Variants in ANAPC2 observed in about 807,000 individuals in gnomAD.
ANAPC2 encodes the protein anaphase-promoting complex subunit 2.
Under a neutral mutation model 84.3 loss-of-function variants are expected in ANAPC2, and 29 were observed. That is an observed-to-expected ratio of 0.34 (90% CI 0.26 to 0.47). The LOEUF (loss-of-function observed/expected upper bound fraction) is 0.47. ANAPC2 is among the 20% of genes least tolerant of loss of function. The pLI is 1.00. For missense variants in ANAPC2, 857 were observed against 1,131.7 expected, an observed-to-expected ratio of 0.76 and a Z score of 3.48; for synonymous variants, 571 against 479.4, an observed-to-expected ratio of 1.19 and a Z score of -2.50.
chr9:137,175,461 G>T lies in ANAPC2; in HGVS notation c.2032C>A (p.Leu678Met). The T allele has an allele frequency of 6.4e-7, 1 of 1,573,712 alleles. No individual in the cohort carries two copies. Among genetic ancestry groups the T allele is most frequent in the Non-Finnish European group, 8.6e-7 (1 of 1,160,950 alleles). Residue 678 changes from leucine (L) to methionine (M), a missense_variant, in exon 12 of 13, where the codon CTG becomes ATG. Around this residue, in one of 3 missense-constraint regions of ANAPC2, gnomAD observed 425 missense variants for 595.5 expected, o/e 0.71. Coordinates refer to ENST00000323927, the MANE Select transcript of ANAPC2 (RefSeq NM_013366.4). ...TTCACCGCCTTGCTCAGTTCCTCCA[G>T]GGTCCAGCTGGCTGCGTGCAGAGTC... The part of the protein sequence containing the change: ...LYFQDQASWT[L>M]EELSKAVKMP...
At chr9:137,187,069 C>T (rs2131342392) in intron 2 of ANAPC2, 3 of 199,416 alleles carry the variant, frequency 1.5e-5, no homozygotes, top group Middle Eastern at 2.2e-3. Context: ...TGCTTGCCCT[C>T]ACAGTGACCT....
rs778713960 is a variant in ANAPC2 at position 137,188,404 on chromosome 9, C to T, written c.117+12G>A. 2 of 1,603,748 alleles carry T rather than the reference C, an allele frequency of 1.2e-6. No homozygotes were observed. The highest frequency in any genetic ancestry group is 4.5e-5 in the East Asian group (2 of 44,736). On this transcript the variant is annotated intron_variant, in intron 1 of 12. Coordinates refer to ENST00000323927, the MANE Select transcript of ANAPC2 (RefSeq NM_013366.4). ...CTCCGCGCGGGGCCGCCCCTCTCTTCCCAGGCCTCACCAGCCCCAGCGCAG... is the reference window on the plus strand; with the variant it reads ...CTCCGCGCGGGGCCGCCCCTCTCTTTCCAGGCCTCACCAGCCCCAGCGCAG...
At chr9:137,186,627 G>T in intron 2 of ANAPC2, 1 of 477,062 alleles carries the variant, frequency 2.1e-6, no homozygotes, top group Non-Finnish European at 3.7e-6. Context: ...TTCCCCATGT[G>T]ATCAGTGGCA....
chr9:137,175,528 T>G (rs1463600504), intron 11 of ANAPC2, 56 bp from the exon 12 acceptor site: 4 of 1,497,742 alleles, frequency 2.7e-6, no homozygotes, highest in East Asian at 2.5e-5. Context: ...GCACCTCCCC[T>G]GCCTCCCGTC....
chr9:137,179,423 G>A (rs560171288), intron 10 of ANAPC2, among the ~76,000 whole-genome samples: 11 of 152,288 alleles, frequency 7.2e-5, no homozygotes, highest in Admixed American at 5.2e-4. Flanking sequence ...ACCTGACTAT[G>A]AGCTCAGGGA....
rs1834176237 is a variant in ANAPC2, at chr9:137,175,019, A to AGCCCTGCAGCTCCTGCAGGTC, written c.2371_2391dup (p.Asp791_Gly797dup). The AGCCCTGCAGCTCCTGCAGGTC allele has an allele frequency of 1.2e-6, 2 of 1,604,104 alleles. No homozygotes were observed. Among genetic ancestry groups the AGCCCTGCAGCTCCTGCAGGTC allele is most frequent in the Non-Finnish European group, 1.7e-6 (2 of 1,176,278 alleles). On this transcript the variant is annotated inframe_insertion, in exon 13 of 13. Transcript: ENST00000323927. ...TGGTCCCGCACCTTCTTCTGCAGGT[A>AGCCCTGCAGCTCCTGCAGGTC]GCCCTGCAGCTCCTGCAGGTCAATC...
Position 137,185,088 on chromosome 9 carries a change from C to T in ANAPC2, c.874-1G>A. 1 of 1,538,746 alleles carries T rather than the reference C, an allele frequency of 6.5e-7. No homozygotes were observed. Among genetic ancestry groups the T allele is most frequent in the Non-Finnish European group, 8.8e-7 (1 of 1,142,456 alleles). On this transcript the variant is annotated splice_acceptor_variant, in intron 3 of 12. Coordinates refer to ENST00000323927, the MANE Select transcript of ANAPC2 (RefSeq NM_013366.4). LOFTEE classifies it high-confidence loss of function. ...GCCAGCCGACCACCCGCTCGATCCA[C>T]TGTCAGGAGAACGCTAGTGTGAGCT...
Position 137,174,910 on chromosome 9 carries a change from CCTGG to C in ANAPC2, c.*28_*31del, listed in dbSNP as rs761815092. The C allele has an allele frequency of 3.7e-4, 299 of 804,998 alleles. 2 individuals are homozygous for C. In the Admixed American group the frequency reaches 4.5e-3, roughly 12 times the overall value. The allele number at this position is 804,998 out of a possible 1,614,324, so 49.9% of individuals were successfully genotyped here. ...GGACGAGAGCACCTGCAGGGCAGCGCCTGGCGGGCGGGCGGGCGGGCGGGCGATG... is the reference window on the plus strand; with the variant it reads ...GGACGAGAGCACCTGCAGGGCAGCGCCGGGCGGGCGGGCGGGCGGGCGATG... On this transcript the variant is annotated 3_prime_UTR_variant, in exon 13 of 13. Coordinates refer to ENST00000323927, the MANE Select transcript of ANAPC2 (RefSeq NM_013366.4). The surrounding 1 kb of genome is among the most constrained non-coding windows in gnomAD (Gnocchi z 6.1).
At chr9:137,179,642 A>G (rs147740245) in intron 10 of ANAPC2, among the ~76,000 whole-genome samples, 180 of 152,310 alleles carry the variant, frequency 1.2e-3, no homozygotes, top group Non-Finnish European at 2.0e-3. Flanking sequence ...CCACAGACCC[A>G]TAGCCCCGGT....
At chr9:137,180,414 T>TGCGGGGCG in intron 9 of ANAPC2, 30 bp from the exon 10 acceptor site, 2 of 1,612,536 alleles carry the variant, frequency 1.2e-6, no homozygotes, top group Non-Finnish European at 1.7e-6. Flanking sequence ...ACGGGGGACC[T>TGCGGGGCG]GCGGGGCGGC....
chr9:137,181,985 G>A, intron 6 of ANAPC2, 123 bp from the exon 7 acceptor site: 1 of 1,062,332 alleles, frequency 9.4e-7, no homozygotes, highest in Non-Finnish European at 1.3e-6. Context: ...ACTCAGTGGT[G>A]ATGGGCTATG....
rs975178382 is a variant in ANAPC2, at chr9:137,174,935, C to T, written c.*7G>A. 2.7e-5 allele frequency: 41 copies of T among 1,527,220 alleles called. No homozygotes were observed. The highest frequency in any genetic ancestry group is 5.8e-5 in the Admixed American group (3 of 51,416). The allele number at this position is 1,527,220 out of a possible 1,614,324, so 94.6% of individuals were successfully genotyped here. A position where few individuals can be genotyped will look rare whatever the true frequency, so the allele number is the denominator to read the frequency against. On this transcript the variant is annotated 3_prime_UTR_variant, in exon 13 of 13. Coordinates refer to ENST00000323927, the MANE Select transcript of ANAPC2 (RefSeq NM_013366.4). This position sits in a 1 kb window ranked among gnomAD's most constrained non-coding sequence, Gnocchi z 6.1. ...CCTGGCGGGCGGGCGGGCGGGCGGG[C>T]GATGTGTCAGCTGCAGTTCTTGGGC...
chr9:137,183,212 T>A lies in ANAPC2; in HGVS notation c.1199A>T (p.Tyr400Phe), dbSNP rs1288706629. 1 of 1,613,004 alleles carries A rather than the reference T, an allele frequency of 6.2e-7. No individual in the cohort carries two copies. Among genetic ancestry groups the A allele is most frequent in the Non-Finnish European group, 8.5e-7 (1 of 1,179,932 alleles). Residue 400 changes from tyrosine to phenylalanine, a missense_variant, in exon 6 of 13, where the codon TAT becomes TTT. Transcript: ENST00000323927. Reference protein sequence around the residue: ...GVNTCDIITLYISAIKALRVL... With the variant: ...GVNTCDIITLFISAIKALRVL... ...GCGCAGCGCCTTGATGGCAGAGATA[T>A]AGAGGGTGATGATGTCACACGTGTT...
intron 1 of ANAPC2, 147 bp from the exon 2 acceptor site, chr9:137,188,250 C>G (rs537781373): frequency 1.5e-6 from 2 of 1,333,308 alleles, no homozygotes; most frequent in East Asian, 4.9e-5. Context: ...TATGGAAGGG[C>G]TGTCAGCGGA....
chr9:137,176,472 C>A (rs1193023426), intron 10 of ANAPC2: 1 of 152,330 alleles, frequency 6.6e-6, no homozygotes, highest in Non-Finnish European at 1.5e-5. Flanking sequence ...CAGGAAGGGC[C>A]AGGAGGGGTG....
intron 7 of ANAPC2, among the ~76,000 whole-genome samples, chr9:137,181,203 A>G (rs1252605192): frequency 6.6e-6 from 1 of 152,214 alleles, no homozygotes; most frequent in African/African-American, 2.4e-5. Flanking sequence ...TTCCTCTGAG[A>G]GAGACTAAAG....
Position 137,181,720 on chromosome 9 carries a change from G to A in ANAPC2, c.1429C>T (p.Pro477Ser). 6.2e-7 allele frequency: 1 copy of A among 1,611,512 alleles called. No individual in the cohort carries two copies. The change falls in exon 7 of 13, where the codon CCA becomes TCA. Residue 477 changes from proline to serine, a missense_variant. By Grantham distance (74) the Pro-to-Ser change is moderately conservative. Coordinates refer to ENST00000323927, the MANE Select transcript of ANAPC2 (RefSeq NM_013366.4). ...ACAGGGTCCGGGACCCAGTCCTCTG[G>A]CTCGCCTGAGTCATCCTCACTGTCC... is the stretch of plus-strand genomic sequence containing the variant. ...GQDSEDDSGE[P>S]EDWVPDPVDA... is the part of the protein sequence containing the mutation.
chr9:137,187,384 G>A (rs1375070919), intron 2 of ANAPC2, 97 bp downstream of exon 2: 17 of 1,464,254 alleles, frequency 1.2e-5, no homozygotes, highest in Admixed American at 2.1e-5. Context: ...TGGTTATCAG[G>A]ACGGCTCACC....
intron 4 of ANAPC2, among the ~76,000 whole-genome samples, chr9:137,184,665 CA>C (rs1834421029): frequency 6.9e-6 from 1 of 145,728 alleles, no homozygotes; most frequent in Non-Finnish European, 1.5e-5. Flanking sequence ...GACGCAGACA[CA>C]GGGAGCCCAG....
Sources: allele counts gnomAD v4.1 joint callset (sites outside exome capture counted in the v4.1 genomes callset), GRCh38; gene constraint gnomAD v4.1.1; regional missense constraint gnomAD v4.1.1; non-coding constraint Gnocchi (gnomAD v3.1); transcripts MANE v1.5; gene names NCBI Gene and HGNC (gene_info 2026-07-23, HGNC 2026-07-21).